Variants in LRCH1 observed in about 807,000 individuals in gnomAD.
The protein encoded by LRCH1 is leucine-rich repeat and calponin homology domain-containing protein 1.
In LRCH1, 23 loss-of-function variants were observed where a neutral mutation model predicts 94.9. That is an observed-to-expected ratio of 0.24 (90% CI 0.17 to 0.34). The LOEUF is 0.34. Ranked by LOEUF, LRCH1 falls within the 10% of genes least tolerant of loss-of-function variation. LRCH1 has a pLI of 1.00. For synonymous variants in LRCH1, 364 were observed against 354.9 expected (o/e 1.03, Z -0.29); for missense variants, 790 against 945.9 (o/e 0.84, Z 2.16).
chr13:46,736,835 G>A (rs1489693083), intron 19 of LRCH1, among the ~76,000 whole-genome samples: 1 of 152,092 alleles, frequency 6.6e-6, no homozygotes, highest in Non-Finnish European at 1.5e-5. Flanking sequence ...AAATCATCCT[G>A]TAGATATTGA....
At position 46,623,691 on chromosome 13, in the gene LRCH1, C is replaced by G. The variant is rs556887500; in HGVS notation, c.308-26510C>G. ...AAAGAATAATTTGTGTACCCTGTCT[C>G]TGTTTTTTTTTTTTTTCTTTTTCTT... On this transcript the variant is annotated intron_variant, in intron 1 of 19. Transcript: ENST00000389797. 1.5e-4 allele frequency among the ~76,000 whole-genome samples: 9 copies of G among 59,574 alleles called. No individual in the cohort carries two copies. In the South Asian group the frequency reaches 4.3e-3, roughly 28 times the overall value. The allele number at this position is 59,574 out of a possible 152,430, so 39.1% of individuals were successfully genotyped here.
intron 1 of LRCH1, among the ~76,000 whole-genome samples, chr13:46,603,061 A>C (rs566650591): frequency 6.6e-6 from 1 of 152,332 alleles, no homozygotes; most frequent in South Asian, 2.1e-4. Flanking sequence ...CTTTATAATA[A>C]GATATCTGTA....
intron 1 of LRCH1, among the ~76,000 whole-genome samples, chr13:46,571,861 G>A (rs1393065777): frequency 6.6e-6 from 1 of 152,028 alleles, no homozygotes; most frequent in Non-Finnish European, 1.5e-5. Flanking sequence ...TAAGTATGTG[G>A]CACTTGGGGT....
At chr13:46,613,318 A>G (rs1142184) in intron 1 of LRCH1, among the ~76,000 whole-genome samples, 75,391 of 151,436 alleles carry the variant, frequency 0.5, 19,227 homozygotes, top group Middle Eastern at 0.59. Context: ...TGAACCAGGG[A>G]GTCAGAGGTT....
intron 1 of LRCH1, among the ~76,000 whole-genome samples, chr13:46,576,456 C>T (rs774755942): frequency 6.6e-6 from 1 of 152,170 alleles, no homozygotes; most frequent in African/African-American, 2.4e-5. Flanking sequence ...GAAATAATTG[C>T]GCTCCCTATG....
chr13:46,582,149 C>CAAAAAA (rs11387752), intron 1 of LRCH1, among the ~76,000 whole-genome samples: 3 of 104,504 alleles, frequency 2.9e-5, no homozygotes, highest in African/African-American at 3.8e-5. Flanking sequence ...GACTCCATCT[C>CAAAAAA]AAAAAAAAAA....
intron 1 of LRCH1, among the ~76,000 whole-genome samples, chr13:46,604,851 C>T (rs1023572037): frequency 1.3e-5 from 2 of 152,152 alleles, no homozygotes; most frequent in African/African-American, 2.4e-5. Context: ...ATCAACATAA[C>T]GACACACATG....
At chr13:46,564,782 G>A (rs2050164430) in intron 1 of LRCH1, among the ~76,000 whole-genome samples, 1 of 152,256 alleles carries the variant, frequency 6.6e-6, no homozygotes, top group Non-Finnish European at 1.5e-5. Flanking sequence ...TAATTTGTTA[G>A]AAGCGAAAAT....
intron 4 of LRCH1, among the ~76,000 whole-genome samples, chr13:46,682,449 C>T (rs1011242679): frequency 6.6e-6 from 1 of 152,050 alleles, no homozygotes; most frequent in African/African-American, 2.4e-5. Context: ...GTTAGGACTT[C>T]AATATATGAA....
chr13:46,743,444 C>T lies in LRCH1; in HGVS notation c.*1596C>T, dbSNP rs1228918262. The T allele has an allele frequency of 3.0e-6, 3 of 985,638 alleles. No individual in the cohort carries two copies. Among genetic ancestry groups the T allele is most frequent in the Non-Finnish European group, 3.6e-6 (3 of 829,922 alleles). The allele number at this position is 985,638 out of a possible 1,614,324, so 61.1% of individuals were successfully genotyped here. On this transcript the variant is annotated 3_prime_UTR_variant, in exon 20 of 20. Coordinates refer to ENST00000389797, the MANE Select transcript of LRCH1 (RefSeq NM_001164211.2). Reference sequence around the variant, plus strand: ...GGGTATGTGGAAGTTATCTAATTAACCTCAGTTGTATATGAATAACCCACA... The same window carrying T: ...GGGTATGTGGAAGTTATCTAATTAATCTCAGTTGTATATGAATAACCCACA...
At chr13:46,669,614 T>TA (rs2138118439) in intron 3 of LRCH1, among the ~76,000 whole-genome samples, 1 of 152,312 alleles carries the variant, frequency 6.6e-6, no homozygotes, top group African/African-American at 2.4e-5. Context: ...GTTGTAATTT[T>TA]AAAATGTGAC....
chr13:46,627,017 G>A (rs1384994783), intron 1 of LRCH1, among the ~76,000 whole-genome samples: 2 of 152,084 alleles, frequency 1.3e-5, no homozygotes, highest in Non-Finnish European at 2.9e-5. Flanking sequence ...AAATATCTCC[G>A]ACATCTTTTA....
intron 1 of LRCH1, among the ~76,000 whole-genome samples, chr13:46,600,284 G>GT (rs1196019818): frequency 6.6e-6 from 1 of 152,126 alleles, no homozygotes; most frequent in South Asian, 2.1e-4. Context: ...GGTGTTATTT[G>GT]TTTTTTTGGT....
At chr13:46,674,963 G>T (rs1356707886) in intron 3 of LRCH1, among the ~76,000 whole-genome samples, 16 of 152,018 alleles carry the variant, frequency 1.1e-4, no homozygotes. Flanking sequence ...ACTCCTAGTG[G>T]TTTTTCCATT....
chr13:46,611,770 T>G (rs1287693544), intron 1 of LRCH1, among the ~76,000 whole-genome samples: 1 of 152,222 alleles, frequency 6.6e-6, no homozygotes, highest in Non-Finnish European at 1.5e-5. Flanking sequence ...TACATTAGGT[T>G]AAATAAAATG....
At chr13:46,722,797 A>G (rs1872644830) in intron 16 of LRCH1, among the ~76,000 whole-genome samples, 1 of 152,252 alleles carries the variant, frequency 6.6e-6, no homozygotes, top group South Asian at 2.1e-4. Flanking sequence ...AAAAACATTA[A>G]CTTGTGCTTA....
At chr13:46,678,860 C>G (rs2138137333) in intron 3 of LRCH1, among the ~76,000 whole-genome samples, 1 of 152,314 alleles carries the variant, frequency 6.6e-6, no homozygotes. Flanking sequence ...ATAGTTCACA[C>G]TAAAAAATGG....
chr13:46,627,254 C>T (rs2050960921), intron 1 of LRCH1, among the ~76,000 whole-genome samples: 1 of 152,280 alleles, frequency 6.6e-6, no homozygotes, highest in African/African-American at 2.4e-5. Context: ...TAAGCCCACA[C>T]TTTGGTAAAT....
intron 1 of LRCH1, among the ~76,000 whole-genome samples, chr13:46,598,737 G>A (rs2050594074): frequency 6.6e-6 from 1 of 152,170 alleles, no homozygotes; most frequent in Non-Finnish European, 1.5e-5. Context: ...CTGCTGCAAA[G>A]CCTGGATTCA....
Sources: gnomAD v4.1 joint callset for allele counts (sites outside exome capture counted in the v4.1 genomes callset) on GRCh38, gnomAD v4.1.1 for gene constraint, MANE v1.5 for transcripts, NCBI Gene and HGNC (gene_info 2026-07-23, HGNC 2026-07-21) for gene names.